Variants in ING4 observed in about 807,000 individuals in gnomAD.
ING4 encodes the protein inhibitor of growth protein 4.
A neutral mutation model predicts 33.1 loss-of-function variants in ING4; 28 were observed. That is an observed-to-expected ratio of 0.85 (90% CI 0.63 to 1.16). The LOEUF (loss-of-function observed/expected upper bound fraction) is 1.16. Among genes scored for constraint, ING4 ranks in the 50% most tolerant of loss-of-function variants. The pLI is 0.00. For missense variants in ING4, 247 were observed against 314.7 expected (o/e 0.78, Z 1.63); for synonymous variants, 87 against 104.4 (o/e 0.83, Z 1.02).
At position 6,652,981 on chromosome 12, in the gene ING4, T is replaced by A. The variant is rs1348960076; in HGVS notation, c.346A>T (p.Ile116Phe). Residue 116 changes from isoleucine to phenylalanine, a missense_variant, in exon 4 of 8, where the codon ATT becomes TTT. Physicochemically the swap from Ile to Phe is conservative, Grantham distance 21. Coordinates refer to ENST00000341550, the MANE Select transcript of ING4 (RefSeq NM_016162.4). ...RFEADLKEKQ[I>F]ESSDYDSSSS... ...GAGCTGTCATAGTCACTTGACTCAATCTGTTTCTCCTTGAGATCAGCCTCA... is the reference window on the plus strand; with the variant it reads ...GAGCTGTCATAGTCACTTGACTCAAACTGTTTCTCCTTGAGATCAGCCTCA... 12 of 1,614,036 alleles carry A rather than the reference T, an allele frequency of 7.4e-6. No individual in the cohort carries two copies. The highest frequency in any genetic ancestry group is 1.0e-5 in the Non-Finnish European group (12 of 1,180,012).
intron 1 of ING4, among the ~76,000 whole-genome samples, chr12:6,662,413 A>G (rs1949583984): frequency 6.6e-6 from 1 of 151,976 alleles, no homozygotes; most frequent in African/African-American, 2.4e-5. Flanking sequence ...TCATTTTTCT[A>G]TCCCTAGTGC....
chr12:6,652,793 G>A, intron 4 of ING4, 26 bp from the exon 5 acceptor site: 1 of 1,608,874 alleles, frequency 6.2e-7, no homozygotes, highest in East Asian at 2.2e-5. Context: ...GAGAAAGCCA[G>A]AAGGCAGGGA....
In ING4 at chr12:6,652,301, A is replaced by G; in HGVS notation, c.615T>C (p.Tyr205=). Residue 205 remains tyrosine, a synonymous_variant, in exon 6 of 8, where the codon TAT becomes TAC. Transcript: ENST00000341550. ...PTYCLCHQVS[Y]GEMIGCDNPD... is the part of the protein sequence containing the mutation. ...GGTTGTCACAGCCAATCATCTCTCC[A>G]TAGGAGACCTGGTGACAAAGGCAAT... 6.2e-7 allele frequency: 1 copy of G among 1,614,108 alleles called. No individual in the cohort carries two copies. Among genetic ancestry groups the G allele is most frequent in the Non-Finnish European group, 8.5e-7 (1 of 1,180,018 alleles).
At chr12:6,657,135 T>C (rs572363194) in intron 1 of ING4, among the ~76,000 whole-genome samples, 135 of 142,826 alleles carry the variant, frequency 9.5e-4, no homozygotes, top group Non-Finnish European at 1.5e-3. Flanking sequence ...GCCTGGGCAA[T>C]AGAGCAAGTC....
At chr12:6,662,805 T>C (rs1355230984) in intron 1 of ING4, among the ~76,000 whole-genome samples, 4 of 152,018 alleles carry the variant, frequency 2.6e-5, no homozygotes, top group Non-Finnish European at 5.9e-5. Context: ...GCAGCAACTA[T>C]CTTCCTGGCC....
intron 4 of ING4, 69 bp from the exon 5 acceptor site, chr12:6,652,836 C>T: frequency 6.4e-7 from 1 of 1,566,062 alleles, no homozygotes; most frequent in Non-Finnish European, 8.8e-7. Flanking sequence ...TCTTCTCTCC[C>T]CCTTTCCAAC....
Position 6,653,231 on chromosome 12 carries a change from A to G in ING4, c.275T>C (p.Met92Thr), listed in dbSNP as rs1271457337. The change falls in exon 3 of 8, where the codon ATG becomes ACG. Residue 92 changes from methionine (M) to threonine (T), a missense_variant and splice_region_variant. Coordinates refer to ENST00000341550, the MANE Select transcript of ING4 (RefSeq NM_016162.4). Reference protein sequence around the residue: ...KVQLAMQTYEMVDKHIRRLDT... With the variant: ...KVQLAMQTYETVDKHIRRLDT... ...GGGGAGCCATGAACAGGGCCATACC[A>G]TCTCATAGGTCTGCATGGCAAGCTG... 3.7e-6 allele frequency: 6 copies of G among 1,613,930 alleles called. No individual in the cohort carries two copies. Among genetic ancestry groups the G allele is most frequent in the Non-Finnish European group, 5.1e-6 (6 of 1,179,956 alleles).
At position 6,652,653 on chromosome 12, in the gene ING4, A is replaced by T. The variant is rs1395340662; in HGVS notation, c.497+9T>A. 6.2e-7 allele frequency: 1 copy of T among 1,611,700 alleles called. No individual in the cohort carries two copies. The highest frequency in any genetic ancestry group is 8.5e-7 in the Non-Finnish European group (1 of 1,178,378). ...TGTCATCCGGCAAAGGGCTCCCTGA[A>T]TCACTCACGTGCGCACGAGCTTTAA... On this transcript the variant is annotated intron_variant, in intron 5 of 7. Coordinates refer to ENST00000341550, the MANE Select transcript of ING4 (RefSeq NM_016162.4).
At chr12:6,659,639 C>T (rs1023542317) in intron 1 of ING4, among the ~76,000 whole-genome samples, 2 of 151,936 alleles carry the variant, frequency 1.3e-5, no homozygotes, top group Non-Finnish European at 2.9e-5. Context: ...GGTGAAACCC[C>T]GTCTCTACTA....
intron 6 of ING4, among the ~76,000 whole-genome samples, chr12:6,651,897 G>C (rs116142617): frequency 0.018 from 2,572 of 142,340 alleles, 78 homozygotes; most frequent in African/African-American, 0.064. Flanking sequence ...TTGTCGCCCA[G>C]GTTAGAGTGT....
intron 1 of ING4, among the ~76,000 whole-genome samples, chr12:6,660,941 T>A (rs987318540): frequency 6.6e-6 from 1 of 151,914 alleles, no homozygotes; most frequent in Non-Finnish European, 1.5e-5. Context: ...TACAGGCGTC[T>A]GCCACCACGC....
At chr12:6,655,202 C>T (rs1393432634) in intron 2 of ING4, among the ~76,000 whole-genome samples, 1 of 152,014 alleles carries the variant, frequency 6.6e-6, no homozygotes, top group East Asian at 1.9e-4. Flanking sequence ...CGCCACCACA[C>T]CCGACTAATT....
In ING4 at chr12:6,655,334, G is replaced by A. The variant is rs143139704; in HGVS notation, c.109+1393C>T. Among the ~76,000 whole-genome samples the A allele has an allele frequency of 6.3e-3, 966 of 152,264 alleles. 6 individuals are homozygous for A. Among genetic ancestry groups the A allele is most frequent in the African/African-American group, 0.022 (917 of 41,544 alleles). On this transcript the variant is annotated intron_variant, in intron 2 of 7. Transcript: ENST00000341550. ...GCTGGGATTACAGGCGTAAGCCACCGCACCCGGCCCCAAATGTTTTAATAT... is the reference window on the plus strand; with the variant it reads ...GCTGGGATTACAGGCGTAAGCCACCACACCCGGCCCCAAATGTTTTAATAT...
intron 2 of ING4, among the ~76,000 whole-genome samples, chr12:6,655,471 G>C (rs767612788): frequency 8.2e-4 from 125 of 152,360 alleles, no homozygotes; most frequent in Non-Finnish European, 1.6e-3. Context: ...ACATAGTGCA[G>C]CAACAGATAA....
At chr12:6,657,403 C>T (rs576165396) in intron 1 of ING4, among the ~76,000 whole-genome samples, 12 of 146,924 alleles carry the variant, frequency 8.2e-5, no homozygotes, top group African/African-American at 1.8e-4. Context: ...GAGCCGAGAT[C>T]GCACCACTGC....
At chr12:6,655,614 CA>C (rs1565401509) in intron 2 of ING4, 6 of 1,127,472 alleles carry the variant, frequency 5.3e-6, no homozygotes, top group East Asian at 7.3e-5. Context: ...AACTGTATTA[CA>C]AAAAAAGCAA....
intron 2 of ING4, among the ~76,000 whole-genome samples, chr12:6,654,751 G>A (rs1164165168): frequency 6.6e-6 from 1 of 151,996 alleles, no homozygotes; most frequent in African/African-American, 2.4e-5. Context: ...TTGAGACGGA[G>A]TCACGCTCTG....
At position 6,651,980 on chromosome 12, in the gene ING4, C is replaced by T. The variant is rs146754766; in HGVS notation, c.645+291G>A. ...CAATTCTCCTGCCTCTCGCCTCAGC[C>T]TCCCGAGTAGCTGGGATGACAGTCG... On this transcript the variant is annotated intron_variant, in intron 6 of 7. Transcript: ENST00000341550. Among the ~76,000 whole-genome samples, 1,456 of 151,956 alleles carry T rather than the reference C, an allele frequency of 9.6e-3. 10 individuals are homozygous for T. Among genetic ancestry groups the T allele is most frequent in the Non-Finnish European group, 0.014 (979 of 67,984 alleles).
At chr12:6,658,612 G>C (rs1949446910) in intron 1 of ING4, among the ~76,000 whole-genome samples, 1 of 152,056 alleles carries the variant, frequency 6.6e-6, no homozygotes, top group Non-Finnish European at 1.5e-5. Flanking sequence ...CTTGAACCTG[G>C]GAGGTGGACA....
Sources: allele counts gnomAD v4.1 joint callset (sites outside exome capture counted in the v4.1 genomes callset), GRCh38; gene constraint gnomAD v4.1.1; transcripts MANE v1.5; gene names NCBI Gene and HGNC (gene_info 2026-07-23, HGNC 2026-07-21).